Variants in LCORL observed in about 807,000 individuals in gnomAD.
LCORL encodes ligand dependent nuclear receptor corepressor like.
Under a neutral mutation model 141.8 loss-of-function variants are expected in LCORL, and 41 were observed. The observed-to-expected ratio is 0.29, with a 90% confidence interval of 0.23 to 0.38. The LOEUF (loss-of-function observed/expected upper bound fraction) is 0.38. Ranked by LOEUF, LCORL falls within the 10% of genes least tolerant of loss-of-function variation. LCORL has a pLI of 1.00. For synonymous variants in LCORL, 618 were observed against 694.1 expected (o/e 0.89, Z 1.72); for missense variants, 1,759 against 2,035.0 (o/e 0.86, Z 2.61).
chr4:17,885,930 TGAGA>T (rs1172573347), intron 6 of LCORL, 134 bp downstream of exon 6: 21 of 407,646 alleles, frequency 5.2e-5, no homozygotes, highest in South Asian at 3.6e-4. Context: ...ATGAAAGGTA[TGAGA>T]GAGAGACACT....
chr4:17,939,916 G>T (rs1237403629), intron 4 of LCORL, among the ~76,000 whole-genome samples: 1 of 138,538 alleles, frequency 7.2e-6, no homozygotes, highest in Non-Finnish European at 1.6e-5. Flanking sequence ...ATACATATAT[G>T]TACCTACATA....
At chr4:17,859,750 T>C (rs1724781820) in intron 7 of LCORL, among the ~76,000 whole-genome samples, 1 of 152,180 alleles carries the variant, frequency 6.6e-6, no homozygotes, top group Admixed American at 6.5e-5. Flanking sequence ...TTGTAACAAC[T>C]TCAGTAAAGT....
intron 7 of LCORL, among the ~76,000 whole-genome samples, chr4:17,846,881 T>G (rs1722999445): frequency 6.6e-6 from 1 of 152,194 alleles, no homozygotes. Flanking sequence ...GGTTCTCCAC[T>G]ATTGTTTCAT....
intron 1 of LCORL, among the ~76,000 whole-genome samples, chr4:17,973,669 C>A (rs1716403379): frequency 6.6e-6 from 1 of 151,300 alleles, no homozygotes; most frequent in Admixed American, 6.6e-5. Context: ...GAGGAAAAAA[C>A]TAAACATGGC....
At chr4:18,002,671 A>T (rs1722161885) in intron 1 of LCORL, among the ~76,000 whole-genome samples, 1 of 152,212 alleles carries the variant, frequency 6.6e-6, no homozygotes, top group African/African-American at 2.4e-5. Context: ...TTAAAAATTA[A>T]GCCAGAATTT....
chr4:17,886,484 T>A (rs1374493492), intron 5 of LCORL, among the ~76,000 whole-genome samples: 1 of 152,036 alleles, frequency 6.6e-6, no homozygotes, highest in Non-Finnish European at 1.5e-5. Context: ...TTCATGACTG[T>A]TTTCCATTCA....
At chr4:17,979,207 C>T (rs1005014390) in intron 1 of LCORL, among the ~76,000 whole-genome samples, 5 of 152,130 alleles carry the variant, frequency 3.3e-5, no homozygotes, top group Non-Finnish European at 7.4e-5. Context: ...GCCAACCCTG[C>T]CTGTGCTATA....
At chr4:17,956,260 G>GA (rs1227316416) in intron 4 of LCORL, among the ~76,000 whole-genome samples, 2 of 152,028 alleles carry the variant, frequency 1.3e-5, no homozygotes, top group African/African-American at 4.8e-5. Flanking sequence ...GGTTTCGCAA[G>GA]AAACTAAAAA....
chr4:17,887,729 A>T (rs1455407078), intron 5 of LCORL, among the ~76,000 whole-genome samples: 1 of 152,160 alleles, frequency 6.6e-6, no homozygotes. Flanking sequence ...TGGAAGACTG[A>T]CATGATTTCA....
At chr4:17,883,999 T>C (rs781679425) in intron 6 of LCORL, 5 of 1,550,892 alleles carry the variant, frequency 3.2e-6, no homozygotes, top group Non-Finnish European at 4.4e-6. Flanking sequence ...GCTTACTGTC[T>C]TTTCGATCTA....
intron 7 of LCORL, among the ~76,000 whole-genome samples, chr4:17,859,399 T>C (rs1724738209): frequency 6.6e-6 from 1 of 152,184 alleles, no homozygotes; most frequent in South Asian, 2.1e-4. Flanking sequence ...TCAAATCTGA[T>C]ATCCATATTC....
At chr4:17,857,065 T>C (rs1724441841) in intron 7 of LCORL, among the ~76,000 whole-genome samples, 2 of 152,202 alleles carry the variant, frequency 1.3e-5, no homozygotes, top group Non-Finnish European at 2.9e-5. Flanking sequence ...AAATATGATT[T>C]CTGCTTCTGG....
In LCORL at chr4:17,990,200, G is replaced by A. The variant is rs544167037; in HGVS notation, c.155-17315C>T. On this transcript the variant is annotated intron_variant, in intron 1 of 7. Transcript: ENST00000635767. ...TGCAAGCTCCGCCTCCTGGGTTCACGCCATTCTCCTGCCTCAGCCTTCCGT... is the reference window on the plus strand; with the variant it reads ...TGCAAGCTCCGCCTCCTGGGTTCACACCATTCTCCTGCCTCAGCCTTCCGT... Among the ~76,000 whole-genome samples, 415 of 146,796 alleles carry A rather than the reference G, an allele frequency of 2.8e-3. 2 individuals are homozygous for A. Among genetic ancestry groups the A allele is most frequent in the African/African-American group, 8.5e-3 (337 of 39,680 alleles).
intron 4 of LCORL, among the ~76,000 whole-genome samples, chr4:17,940,625 T>C (rs962065469): frequency 2.0e-5 from 3 of 151,624 alleles, no homozygotes; most frequent in Non-Finnish European, 2.9e-5. Flanking sequence ...AGATATGATA[T>C]AAAAATATTT....
chr4:17,939,198 T>C (rs1737402293), intron 4 of LCORL, among the ~76,000 whole-genome samples: 1 of 152,120 alleles, frequency 6.6e-6, no homozygotes, highest in Non-Finnish European at 1.5e-5. Flanking sequence ...TCATTAGTCA[T>C]CAAAGATATG....
intron 4 of LCORL, among the ~76,000 whole-genome samples, chr4:17,945,041 C>CA (rs34212515): frequency 1.3e-5 from 2 of 152,006 alleles, no homozygotes; most frequent in Non-Finnish European, 2.9e-5. Context: ...TCACACTTCC[C>CA]AGGTACAGTA....
At position 17,843,866 on chromosome 4, in the gene LCORL, T is replaced by TA. The variant is rs201720404; in HGVS notation, c.*2021dup. On this transcript the variant is annotated 3_prime_UTR_variant, in exon 8 of 8. Transcript: ENST00000635767. ...ACATTTCTAGGGAAAATGAAGGAAGTACCACAAACTGGCTAGAAAGGAGCT... is the reference window on the plus strand; with the variant it reads ...ACATTTCTAGGGAAAATGAAGGAAGTAACCACAAACTGGCTAGAAAGGAGCT... 2.0e-3 allele frequency: 303 copies of TA among 153,122 alleles called. 6 individuals carry two copies. The East Asian group carries it at 0.041, about 21-fold the overall frequency. 9.5% of individuals were successfully genotyped at this position (153,122 alleles called of 1,614,324 possible).
chr4:17,985,249 G>A lies in LCORL; in HGVS notation c.155-12364C>T, dbSNP rs1718758178. Reference sequence around the variant, plus strand: ...TGATGAGAAGTAAGTATACTCTGCTGTTTTGGGATGGAGAGTCCCGTAGAG... The same window carrying A: ...TGATGAGAAGTAAGTATACTCTGCTATTTTGGGATGGAGAGTCCCGTAGAG... On this transcript the variant is annotated intron_variant, in intron 1 of 7. Transcript: ENST00000635767. 2.0e-5 allele frequency among the ~76,000 whole-genome samples: 3 copies of A among 152,250 alleles called. No individual in the cohort carries two copies. In the South Asian group the frequency reaches 6.2e-4, roughly 32 times the overall value.
chr4:17,966,412 T>C (rs141273869), intron 2 of LCORL, among the ~76,000 whole-genome samples: 1 of 152,076 alleles, frequency 6.6e-6, no homozygotes, highest in South Asian at 2.1e-4. Context: ...TTAAATAAAA[T>C]GGACCAATTC....
Sources: gnomAD v4.1 joint callset for allele counts (sites outside exome capture counted in the v4.1 genomes callset) on GRCh38, gnomAD v4.1.1 for gene constraint, MANE v1.5 for transcripts, NCBI Gene and HGNC (gene_info 2026-07-23, HGNC 2026-07-21) for gene names.